The following CADM1 variants were observed in gnomAD, a reference collection of about 807,000 sequenced individuals.
The protein encoded by CADM1 is TSLC-1.
A neutral mutation model predicts 53.1 loss-of-function variants in CADM1; 15 were observed. That is an observed-to-expected ratio of 0.28 (90% CI 0.19 to 0.44). The LOEUF is 0.44. Among genes scored for constraint, CADM1 ranks in the 20% least tolerant of loss-of-function variants. The pLI is 1.00. For synonymous variants in CADM1, 281 were observed against 243.0 expected, an observed-to-expected ratio of 1.16 and a Z score of -1.45; for missense variants, 434 against 611.3, an observed-to-expected ratio of 0.71 and a Z score of 3.06.
intron 1 of CADM1, among the ~76,000 whole-genome samples, chr11:115,350,092 C>T (rs1945687246): frequency 6.6e-6 from 1 of 152,168 alleles, no homozygotes. Flanking sequence ...CTGCTTCAGC[C>T]TCCCGAGTAG....
Position 115,214,629 on chromosome 11 carries a change from C to T in CADM1, c.973G>A (p.Asp325Asn), listed in dbSNP as rs139051341. 6.2e-7 allele frequency: 1 copy of T among 1,613,914 alleles called. No homozygotes were observed. Among genetic ancestry groups the T allele is most frequent in the African/African-American group, 1.3e-5 (1 of 74,922 alleles). ...GTACCGTATACATACAGCATATAATCCGAGTGAGCTTTCCCCACTATGTTT... is the reference window on the plus strand; with the variant it reads ...GTACCGTATACATACAGCATATAATTCGAGTGAGCTTTCCCCACTATGTTT... ...ASNIVGKAHSDYMLYVYDPPT... is the reference protein window; with the variant it reads ...ASNIVGKAHSNYMLYVYDPPT... Residue 325 changes from aspartate to asparagine, a missense_variant, in exon 7 of 12, where the codon GAT becomes AAT. By Grantham distance (23) the Asp-to-Asn change is conservative (BLOSUM62 1). Around this residue, in one of 4 missense-constraint regions of CADM1, gnomAD observed 311 missense variants for 435.1 expected, o/e 0.71. Coordinates refer to ENST00000331581, the MANE Select transcript of CADM1 (RefSeq NM_001301043.2).
chr11:115,464,054 A>C (rs1412776295), intron 1 of CADM1, among the ~76,000 whole-genome samples: 1 of 152,176 alleles, frequency 6.6e-6, no homozygotes, highest in Non-Finnish European at 1.5e-5. Context: ...TTGTTTGCTG[A>C]AGTCTGCTGA....
chr11:115,209,817 T>C lies in CADM1; in HGVS notation c.995-160A>G, dbSNP rs1393757200. On this transcript the variant is annotated intron_variant, in intron 7 of 11. Transcript: ENST00000331581. ...CTGCAAGATTTATGTCTTGTAATTA[T>C]ATCCCAAAGCCTTAGTTGGAAGAGC... is the stretch of plus-strand genomic sequence containing the variant. Among the ~76,000 whole-genome samples, 11 of 152,238 alleles carry C rather than the reference T, an allele frequency of 7.2e-5. No homozygotes were observed. The East Asian group carries it at 2.1e-3, about 29-fold the overall frequency.
chr11:115,446,538 T>C (rs769930290), intron 1 of CADM1, among the ~76,000 whole-genome samples: 1 of 152,182 alleles, frequency 6.6e-6, no homozygotes, highest in Non-Finnish European at 1.5e-5. Context: ...CCATTCCCCT[T>C]TATAGATTAA....
At chr11:115,192,236 G>GGGTTCTGTGA (rs1939909006) in intron 9 of CADM1, among the ~76,000 whole-genome samples, 1 of 152,220 alleles carries the variant, frequency 6.6e-6, no homozygotes, top group East Asian at 1.9e-4. Flanking sequence ...TTCTGTGAAA[G>GGGTTCTGTGA]ACGGCTGTCA....
chr11:115,203,097 C>T (rs977823832), intron 8 of CADM1, among the ~76,000 whole-genome samples: 5 of 152,094 alleles, frequency 3.3e-5, no homozygotes, highest in Admixed American at 2.0e-4. Flanking sequence ...AGTCACCTCC[C>T]CTGTGAGTGA....
At chr11:115,491,861 C>G (rs1190983622) in intron 1 of CADM1, among the ~76,000 whole-genome samples, 1 of 152,104 alleles carries the variant, frequency 6.6e-6, no homozygotes, top group Non-Finnish European at 1.5e-5. Context: ...GACAGAAAAC[C>G]AAACACTGCA....
At chr11:115,471,908 T>C (rs775054526) in intron 1 of CADM1, among the ~76,000 whole-genome samples, 2 of 152,118 alleles carry the variant, frequency 1.3e-5, no homozygotes, top group Non-Finnish European at 2.9e-5. Flanking sequence ...AGAGTTCATG[T>C]ACAGAAGCTA....
At chr11:115,401,670 G>A (rs1207936891) in intron 1 of CADM1, among the ~76,000 whole-genome samples, 1 of 152,144 alleles carries the variant, frequency 6.6e-6, no homozygotes, top group East Asian at 1.9e-4. Flanking sequence ...GGAATGAACT[G>A]GCAGAAGGCA....
At chr11:115,181,942 C>T (rs529547812) in intron 10 of CADM1, among the ~76,000 whole-genome samples, 1 of 152,268 alleles carries the variant, frequency 6.6e-6, no homozygotes, top group South Asian at 2.1e-4. Context: ...AAGGAAATAC[C>T]GAGCACTAAG....
chr11:115,412,725 T>C (rs900607668), intron 1 of CADM1, among the ~76,000 whole-genome samples: 4 of 152,204 alleles, frequency 2.6e-5, no homozygotes, highest in Admixed American at 2.6e-4. Flanking sequence ...GTCAATCCAG[T>C]GAGGTCTCTA....
At chr11:115,449,714 G>T (rs529619044) in intron 1 of CADM1, among the ~76,000 whole-genome samples, 7 of 152,288 alleles carry the variant, frequency 4.6e-5, no homozygotes, top group African/African-American at 1.7e-4. Context: ...AATGCTTTCG[G>T]TGTTTTATAC....
chr11:115,319,811 G>T (rs575444599), intron 1 of CADM1, among the ~76,000 whole-genome samples: 1 of 152,050 alleles, frequency 6.6e-6, no homozygotes, highest in Non-Finnish European at 1.5e-5. Context: ...TTCAAAAAAG[G>T]TATTGCCATT....
In CADM1 at chr11:115,170,140, G is replaced by A. The variant is rs780504914; in HGVS notation, c.*6334C>T. ...ATAGCACTTAAGGAAGATTTGAGGC[G>A]GTCACGTCTGAAATATGACTGTGAG... On this transcript the variant is annotated 3_prime_UTR_variant, in exon 12 of 12. Coordinates refer to ENST00000331581, the MANE Select transcript of CADM1 (RefSeq NM_001301043.2). 1 of 156,652 alleles carries A rather than the reference G, an allele frequency of 6.4e-6. No homozygotes were observed. The highest frequency in any genetic ancestry group is 1.4e-5 in the Non-Finnish European group (1 of 70,542). 9.7% of individuals were successfully genotyped at this position (156,652 alleles called of 1,614,324 possible). A position where few individuals can be genotyped will look rare whatever the true frequency, so the allele number is the denominator to read the frequency against.
At chr11:115,253,064 C>T (rs538841538) in intron 1 of CADM1, among the ~76,000 whole-genome samples, 1 of 152,292 alleles carries the variant, frequency 6.6e-6, no homozygotes, top group South Asian at 2.1e-4. Flanking sequence ...TACACTAACA[C>T]TGATGACCCC....
At chr11:115,256,940 T>C (rs1008773087) in intron 1 of CADM1, 19 of 455,436 alleles carry the variant, frequency 4.2e-5, no homozygotes, top group Non-Finnish European at 6.6e-5. Flanking sequence ...AATTTTGGTC[T>C]CTTAAAAAAG....
At chr11:115,176,799 C>T (rs761938253) in intron 11 of CADM1, among the ~76,000 whole-genome samples, 5 of 152,060 alleles carry the variant, frequency 3.3e-5, no homozygotes, top group African/African-American at 4.8e-5. Flanking sequence ...TGAACCGCTG[C>T]GATATAATTC....
rs139663068 is a variant in CADM1 at position 115,424,579 on chromosome 11, G to A, written c.124+79692C>T. ...GTCTCGCACTGTCTCCCAGGCTGGA[G>A]TGCAGTGGCGAGATCTCTGTTCACT... On this transcript the variant is annotated intron_variant, in intron 1 of 11. Coordinates refer to ENST00000331581, the MANE Select transcript of CADM1 (RefSeq NM_001301043.2). Among the ~76,000 whole-genome samples the A allele has an allele frequency of 3.9e-5, 6 of 152,232 alleles. No individual in the cohort carries two copies. In the East Asian group the frequency reaches 1.2e-3, roughly 29 times the overall value.
In CADM1 at chr11:115,460,060, T is replaced by A. The variant is rs556750143; in HGVS notation, c.124+44211A>T. ...AGATCTGAACACCTAGCACCCTTTT[T>A]TTCTAGTTGGCAGGTAGACTCACAA... On this transcript the variant is annotated intron_variant, in intron 1 of 11. Coordinates refer to ENST00000331581, the MANE Select transcript of CADM1 (RefSeq NM_001301043.2). Among the ~76,000 whole-genome samples the A allele has an allele frequency of 8.5e-5, 13 of 152,304 alleles. 1 individual carries two copies. Among genetic ancestry groups the A allele is most frequent in the African/African-American group, 3.1e-4 (13 of 41,582 alleles).
Sources: allele counts gnomAD v4.1 joint callset (sites outside exome capture counted in the v4.1 genomes callset), GRCh38; gene constraint gnomAD v4.1.1; regional missense constraint gnomAD v4.1.1; transcripts MANE v1.5; gene names NCBI Gene and HGNC (gene_info 2026-07-23, HGNC 2026-07-21).